The following CTNNA3 variants were observed in gnomAD, a reference collection of about 807,000 sequenced individuals.
The protein encoded by CTNNA3 is catenin alpha 3, also known as catenin alpha-3.
A neutral mutation model predicts 95.7 loss-of-function variants in CTNNA3; 76 were observed. The observed-to-expected ratio is 0.79, with a 90% CI of 0.66 to 0.96. CTNNA3 has a LOEUF of 0.96. Among genes scored for constraint, CTNNA3 ranks in the 40% least tolerant of loss-of-function variants. The probability of loss-of-function intolerance (pLI) is 0.00; values close to 1 mark genes in which losing one functional copy is unlikely to be tolerated. For synonymous variants in CTNNA3, 431 were observed against 374.4 expected (o/e 1.15, Z -1.74); for missense variants, 1,191 against 1,089.8 (o/e 1.09, Z -1.31).
intron 7 of CTNNA3, among the ~76,000 whole-genome samples, chr10:67,084,573 A>G (rs1318032723): frequency 6.6e-6 from 1 of 151,978 alleles, no homozygotes; most frequent in African/African-American, 2.4e-5. Context: ...CTGATCCTAC[A>G]TTAGATTTCC....
rs11330069 is a variant in CTNNA3, at chr10:67,239,365, TAA to T, written c.580-19497_580-19496del. Among the ~76,000 whole-genome samples, 1,135 of 142,742 alleles carry T rather than the reference TAA, an allele frequency of 8.0e-3. 4 individuals carry two copies. Among genetic ancestry groups the T allele is most frequent in the Middle Eastern group, 0.029 (8 of 272 alleles). The allele number at this position is 142,742 out of a possible 152,430, so 93.6% of individuals were successfully genotyped here. A position where few individuals can be genotyped will look rare whatever the true frequency, so the allele number is the denominator to read the frequency against. ...AAGAAAAAAAGACAGCTACACGTGA[TAA>T]AAAAAAAAAAAAAGCAAGACATAAA... On this transcript the variant is annotated intron_variant, in intron 5 of 17. Coordinates refer to ENST00000433211, the MANE Select transcript of CTNNA3 (RefSeq NM_013266.4).
At chr10:66,957,505 T>C (rs1421343880) in intron 7 of CTNNA3, among the ~76,000 whole-genome samples, 3 of 150,078 alleles carry the variant, frequency 2.0e-5, no homozygotes, top group Non-Finnish European at 4.4e-5. Context: ...AGTTTTCTTG[T>C]ACTCTTGGGC....
intron 7 of CTNNA3, among the ~76,000 whole-genome samples, chr10:66,973,255 A>G (rs1849825670): frequency 6.6e-6 from 1 of 152,192 alleles, no homozygotes; most frequent in South Asian, 2.1e-4. Flanking sequence ...TTGAGTAAAG[A>G]CTATAATGTA....
At chr10:66,443,222 C>T (rs1359491237) in intron 11 of CTNNA3, among the ~76,000 whole-genome samples, 1 of 152,172 alleles carries the variant, frequency 6.6e-6, no homozygotes, top group East Asian at 1.9e-4. Context: ...TAGGCTCCAC[C>T]TCTGGGGGCA....
chr10:66,584,369 G>A (rs949522200), intron 10 of CTNNA3, among the ~76,000 whole-genome samples: 2 of 151,610 alleles, frequency 1.3e-5, no homozygotes, highest in African/African-American at 2.4e-5. Context: ...TCTAGAGTTC[G>A]GTGCATATAA....
chr10:67,670,228 C>A (rs897944481), intron 1 of CTNNA3, among the ~76,000 whole-genome samples: 3 of 152,176 alleles, frequency 2.0e-5, no homozygotes, highest in Admixed American at 6.5e-5. Flanking sequence ...TTTTCTCCCA[C>A]ACTCTCTGTT....
At chr10:67,186,045 A>AT (rs1190577041) in intron 6 of CTNNA3, among the ~76,000 whole-genome samples, 4,054 of 150,466 alleles carry the variant, frequency 0.027, 170 homozygotes, top group African/African-American at 0.091. Context: ...AAAAAAAAAA[A>AT]ATTAAACCAT....
chr10:66,130,177 A>G (rs985452574), intron 13 of CTNNA3, among the ~76,000 whole-genome samples: 5 of 152,310 alleles, frequency 3.3e-5, no homozygotes, highest in African/African-American at 9.6e-5. Context: ...CACCACAAAC[A>G]TACAACACAC....
chr10:66,918,008 C>T (rs569717532), intron 7 of CTNNA3, among the ~76,000 whole-genome samples: 8 of 152,192 alleles, frequency 5.3e-5, no homozygotes, highest in South Asian at 4.2e-4. Context: ...TAAAACTAGA[C>T]GTTTTACAAT....
intron 3 of CTNNA3, among the ~76,000 whole-genome samples, chr10:67,559,995 C>G (rs941261520): frequency 3.9e-5 from 6 of 152,204 alleles, no homozygotes; most frequent in Middle Eastern, 3.4e-3. Flanking sequence ...TGTGAAAAGA[C>G]CAAATCTACG....
chr10:66,181,782 G>A (rs568364661), intron 13 of CTNNA3, among the ~76,000 whole-genome samples: 6 of 152,222 alleles, frequency 3.9e-5, no homozygotes, highest in African/African-American at 1.2e-4. Context: ...TGCTTAAGAA[G>A]AGATTAAATC....
chr10:66,863,473 T>A (rs912933640), intron 7 of CTNNA3, among the ~76,000 whole-genome samples: 3 of 151,972 alleles, frequency 2.0e-5, no homozygotes, highest in African/African-American at 4.8e-5. Context: ...GTGGTAGATG[T>A]AGTGAAAATT....
At chr10:66,221,214 T>C (rs2131979797) in intron 13 of CTNNA3, among the ~76,000 whole-genome samples, 1 of 152,160 alleles carries the variant, frequency 6.6e-6, no homozygotes, top group South Asian at 2.1e-4. Context: ...GCTCATCTGG[T>C]TGTGATACCA....
At chr10:67,596,746 G>C (rs1291624613) in intron 3 of CTNNA3, among the ~76,000 whole-genome samples, 1 of 152,162 alleles carries the variant, frequency 6.6e-6, no homozygotes, top group Non-Finnish European at 1.5e-5. Flanking sequence ...TATGTGTCTT[G>C]GGGATAGTCA....
intron 16 of CTNNA3, among the ~76,000 whole-genome samples, chr10:65,986,266 C>T (rs2078425278): frequency 6.7e-6 from 1 of 149,266 alleles, no homozygotes; most frequent in Non-Finnish European, 1.5e-5. Flanking sequence ...CTACCATGTG[C>T]TCACAAAAAT....
At chr10:66,027,414 C>A (rs918915803) in intron 15 of CTNNA3, among the ~76,000 whole-genome samples, 1 of 152,062 alleles carries the variant, frequency 6.6e-6, no homozygotes, top group Non-Finnish European at 1.5e-5. Flanking sequence ...TCAACAACAA[C>A]TAAAAGCTTA....
At chr10:66,335,329 T>C (rs1013449605) in intron 12 of CTNNA3, among the ~76,000 whole-genome samples, 2 of 152,142 alleles carry the variant, frequency 1.3e-5, no homozygotes, top group Non-Finnish European at 1.5e-5. Context: ...TTTCCAGTTT[T>C]TCTGCTTTGT....
intron 11 of CTNNA3, among the ~76,000 whole-genome samples, chr10:66,420,601 C>T (rs2093183204): frequency 6.6e-6 from 1 of 151,898 alleles, no homozygotes; most frequent in Admixed American, 6.6e-5. Flanking sequence ...GAGATTGAGA[C>T]CACCCTGGCT....
rs533775502 is a variant in CTNNA3 at position 67,580,193 on chromosome 10, A to T, written c.292+26664T>A. Among the ~76,000 whole-genome samples, 8 of 152,316 alleles carry T rather than the reference A, an allele frequency of 5.3e-5. No individual in the cohort carries two copies. The South Asian group carries it at 1.7e-3, about 32-fold the overall frequency. ...TAGGGCTCTTATGGTTTTAGGTCTG[A>T]CATTTAAATCTTTAATCCATTCTTG... is the stretch of plus-strand genomic sequence containing the variant. On this transcript the variant is annotated intron_variant, in intron 3 of 17. Coordinates refer to ENST00000433211, the MANE Select transcript of CTNNA3 (RefSeq NM_013266.4).
Sources: allele counts gnomAD v4.1 joint callset (sites outside exome capture counted in the v4.1 genomes callset), GRCh38; gene constraint gnomAD v4.1.1; transcripts MANE v1.5; gene names NCBI Gene and HGNC (gene_info 2026-07-23, HGNC 2026-07-21).